GALNT17: variants seen among roughly 807,000 people sequenced by gnomAD.
GALNT17 encodes UDP-GalNAc:polypeptide N-acetylgalactosaminyltransferase-like 3.
In GALNT17, 29 loss-of-function variants were observed where a neutral mutation model predicts 63.7. The observed-to-expected ratio is 0.46, with a 90% CI of 0.34 to 0.62. The LOEUF (loss-of-function observed/expected upper bound fraction) is 0.62. Among genes scored for constraint, GALNT17 ranks in the 20% least tolerant of loss-of-function variants. The probability of loss-of-function intolerance (pLI) is 0.01; values close to 1 mark genes in which losing one functional copy is unlikely to be tolerated. For missense variants in GALNT17, 603 were observed against 799.6 expected, an observed-to-expected ratio of 0.75 and a Z score of 2.97; for synonymous variants, 305 against 318.3, an observed-to-expected ratio of 0.96 and a Z score of 0.45.
rs112036842 is a variant in GALNT17 at position 71,194,550 on chromosome 7, G to A, written c.238+61510G>A. On this transcript the variant is annotated intron_variant, in intron 1 of 10. Transcript: ENST00000333538. ...TTATATAGAGATTCACCCATGCAACGAGACAGAGCCTGACACTTGTGTTGG... is the reference window on the plus strand; with the variant it reads ...TTATATAGAGATTCACCCATGCAACAAGACAGAGCCTGACACTTGTGTTGG... 7.2e-5 allele frequency among the ~76,000 whole-genome samples: 11 copies of A among 152,256 alleles called. 2 individuals carry two copies. The highest frequency in any genetic ancestry group is 2.6e-4 in the African/African-American group (11 of 41,558).
chr7:71,236,138 G>A (rs1030676985), intron 1 of GALNT17, among the ~76,000 whole-genome samples: 1 of 151,552 alleles, frequency 6.6e-6, no homozygotes, highest in Non-Finnish European at 1.5e-5. Context: ...CTGAGATCGC[G>A]CCACTGCACT....
At chr7:71,465,545 T>C (rs1307707197) in intron 5 of GALNT17, among the ~76,000 whole-genome samples, 1 of 152,182 alleles carries the variant, frequency 6.6e-6, no homozygotes, top group Non-Finnish European at 1.5e-5. Context: ...TAGACTTTGA[T>C]CTCTCCAGGA....
chr7:71,456,387 A>G (rs1006965670), intron 5 of GALNT17, among the ~76,000 whole-genome samples: 4 of 152,000 alleles, frequency 2.6e-5, no homozygotes, highest in African/African-American at 9.7e-5. Context: ...GATGCTTATG[A>G]TATTAAATTC....
chr7:71,229,484 T>G (rs1227574587), intron 1 of GALNT17, among the ~76,000 whole-genome samples: 1 of 152,110 alleles, frequency 6.6e-6, no homozygotes, highest in South Asian at 2.1e-4. Flanking sequence ...AGCTGCATGG[T>G]TTGGTGGTGG....
At chr7:71,290,335 G>C (rs540941221) in intron 1 of GALNT17, among the ~76,000 whole-genome samples, 1 of 152,302 alleles carries the variant, frequency 6.6e-6, no homozygotes, top group East Asian at 1.9e-4. Context: ...CTTTGGAAAG[G>C]TCTTTGTCCA....
intron 2 of GALNT17, among the ~76,000 whole-genome samples, chr7:71,383,928 A>G (rs1329037169): frequency 6.6e-6 from 1 of 152,148 alleles, no homozygotes; most frequent in Non-Finnish European, 1.5e-5. Context: ...GGGTACAAGT[A>G]TCTCTTCAAG....
intron 5 of GALNT17, among the ~76,000 whole-genome samples, chr7:71,479,659 G>C (rs1359392878): frequency 6.6e-6 from 1 of 152,072 alleles, no homozygotes; most frequent in African/African-American, 2.4e-5. Flanking sequence ...AATGCCCAGA[G>C]ATTGTAAAAT....
intron 9 of GALNT17, among the ~76,000 whole-genome samples, chr7:71,683,365 A>G (rs1025841430): frequency 3.9e-5 from 6 of 152,086 alleles, no homozygotes; most frequent in African/African-American, 9.7e-5. Context: ...CCCAACTGGA[A>G]TCCTTCTAAA....
chr7:71,245,823 A>G (rs1490835683), intron 1 of GALNT17, among the ~76,000 whole-genome samples: 1 of 149,650 alleles, frequency 6.7e-6, no homozygotes, highest in Non-Finnish European at 1.5e-5. Flanking sequence ...GAATTGGGAA[A>G]GGTCTGCAGA....
At chr7:71,452,974 T>C (rs1787291180) in intron 5 of GALNT17, among the ~76,000 whole-genome samples, 2 of 152,212 alleles carry the variant, frequency 1.3e-5, no homozygotes, top group Admixed American at 1.3e-4. Context: ...GATTCTGTGT[T>C]GCTCTTATTA....
chr7:71,420,984 G>A lies in GALNT17; in HGVS notation c.841G>A (p.Asp281Asn). The A allele has an allele frequency of 1.2e-5, 19 of 1,614,136 alleles. No individual in the cohort carries two copies. The highest frequency in any genetic ancestry group is 1.4e-5 in the Non-Finnish European group (16 of 1,180,028). ...CCCCTCCATTGACAACATCAAACAGGACAACTTTGAGGTGCAGCGGTACGA... is the reference window on the plus strand; with the variant it reads ...CCCCTCCATTGACAACATCAAACAGAACAACTTTGAGGTGCAGCGGTACGA... ...ILPSIDNIKQ[D>N]NFEVQRYENS... is the part of the protein sequence containing the mutation. Residue 281 changes from aspartate (D) to asparagine (N), a missense_variant, in exon 5 of 11, where the codon GAC (aspartate) becomes AAC (asparagine). Coordinates refer to ENST00000333538, the MANE Select transcript of GALNT17 (RefSeq NM_022479.3).
At chr7:71,444,644 T>G (rs1183291836) in intron 5 of GALNT17, among the ~76,000 whole-genome samples, 4 of 152,130 alleles carry the variant, frequency 2.6e-5, no homozygotes, top group African/African-American at 9.7e-5. Context: ...CAGACCAACC[T>G]GGCCAACATG....
chr7:71,289,386 G>A (rs1790936543), intron 1 of GALNT17, among the ~76,000 whole-genome samples: 1 of 152,010 alleles, frequency 6.6e-6, no homozygotes, highest in South Asian at 2.1e-4. Context: ...TTAAATTTTT[G>A]TCTTTCTTTT....
At chr7:71,348,534 G>A (rs1792134906) in intron 2 of GALNT17, among the ~76,000 whole-genome samples, 1 of 152,162 alleles carries the variant, frequency 6.6e-6, no homozygotes, top group Admixed American at 6.6e-5. Context: ...TGTCAACCTT[G>A]TCCTGTTTAT....
intron 1 of GALNT17, among the ~76,000 whole-genome samples, chr7:71,309,954 G>T (rs1313107674): frequency 6.6e-6 from 1 of 152,122 alleles, no homozygotes; most frequent in Non-Finnish European, 1.5e-5. Flanking sequence ...GAATCATGGG[G>T]GCAGGCCTTT....
chr7:71,646,255 T>G (rs1462904886), intron 6 of GALNT17, among the ~76,000 whole-genome samples: 1 of 152,206 alleles, frequency 6.6e-6, no homozygotes, highest in Non-Finnish European at 1.5e-5. Context: ...AAAATTTAAT[T>G]GATTTTATTT....
intron 1 of GALNT17, among the ~76,000 whole-genome samples, chr7:71,148,860 TTATA>T (rs59163644): frequency 0.043 from 4,400 of 103,216 alleles, 154 homozygotes; most frequent in Admixed American, 0.099. Context: ...TATGGTATTT[TTATA>T]TATATATATA....
chr7:71,234,946 A>C (rs1789859210), intron 1 of GALNT17, among the ~76,000 whole-genome samples: 1 of 152,100 alleles, frequency 6.6e-6, no homozygotes, highest in South Asian at 2.1e-4. Context: ...TTTGATCTTA[A>C]GGATAAAAAG....
At chr7:71,641,811 A>G (rs1413173819) in intron 6 of GALNT17, among the ~76,000 whole-genome samples, 1 of 152,128 alleles carries the variant, frequency 6.6e-6, no homozygotes, top group Non-Finnish European at 1.5e-5. Context: ...ACACACAGTA[A>G]GTGTTCAAGT....
Sources: allele counts gnomAD v4.1 joint callset (sites outside exome capture counted in the v4.1 genomes callset), GRCh38; gene constraint gnomAD v4.1.1; transcripts MANE v1.5; gene names NCBI Gene and HGNC (gene_info 2026-07-23, HGNC 2026-07-21).